PRKCI: variants seen among roughly 807,000 people sequenced by gnomAD.
PRKCI encodes the protein protein kinase C iota, also known as protein kinase C iota type.
In PRKCI, 43 loss-of-function variants were observed where a neutral mutation model predicts 84.0. The ratio of observed to expected loss-of-function variants is 0.51; its 90% CI spans 0.40 to 0.66. The LOEUF is 0.66. Among genes scored for constraint, PRKCI ranks in the 30% least tolerant of loss-of-function variants. The pLI is 0.00. For missense variants in PRKCI, 459 were observed against 745.6 expected (o/e 0.62, Z 4.48); for synonymous variants, 216 against 234.4 (o/e 0.92, Z 0.72).
At chr3:170,296,245 A>G (rs1734683794) in intron 15 of PRKCI, among the ~76,000 whole-genome samples, 1 of 152,234 alleles carries the variant, frequency 6.6e-6, no homozygotes, top group African/African-American at 2.4e-5. Context: ...ATGTGTAAAT[A>G]ATATATACCA....
intron 4 of PRKCI, among the ~76,000 whole-genome samples, chr3:170,266,709 G>A (rs1733863679): frequency 6.6e-6 from 1 of 152,182 alleles, no homozygotes. Flanking sequence ...AAGTCACTTT[G>A]GGGCCTGGCA....
At chr3:170,242,536 CTT>C (rs1167053449) in intron 2 of PRKCI, among the ~76,000 whole-genome samples, 1 of 151,090 alleles carries the variant, frequency 6.6e-6, no homozygotes, top group Non-Finnish European at 1.5e-5. Context: ...AGTTTTGTAA[CTT>C]ATATAGTTTT....
At chr3:170,265,003 T>G (rs1310977723) in intron 4 of PRKCI, among the ~76,000 whole-genome samples, 1 of 151,494 alleles carries the variant, frequency 6.6e-6, no homozygotes, top group Non-Finnish European at 1.5e-5. Flanking sequence ...CTGGCCAACA[T>G]GGTGAAAGCC....
intron 2 of PRKCI, among the ~76,000 whole-genome samples, chr3:170,236,412 T>C (rs1158242812): frequency 6.6e-6 from 1 of 152,182 alleles, no homozygotes; most frequent in Admixed American, 6.5e-5. Flanking sequence ...CCAGCTTCAC[T>C]TTAATTTTGA....
rs962514589 is a variant in PRKCI, at chr3:170,252,568, G to A, written c.224-7401G>A. Among the ~76,000 whole-genome samples the A allele has an allele frequency of 4.0e-5, 6 of 151,396 alleles. No individual in the cohort carries two copies. In the South Asian group the frequency reaches 1.3e-3, roughly 32 times the overall value. On this transcript the variant is annotated intron_variant, in intron 2 of 17. Transcript: ENST00000295797. ...TGTAATTACCCTGTTGTGCTATCAA[G>A]TACTAGATCTTTTTTTTCTTTTTTA... is the stretch of plus-strand genomic sequence containing the variant.
intron 5 of PRKCI, 111 bp from the exon 6 acceptor site, chr3:170,270,310 G>C: frequency 9.1e-7 from 1 of 1,104,154 alleles, no homozygotes. Flanking sequence ...TTTTGTTTTT[G>C]TTGTGGGCTG....
intron 17 of PRKCI, among the ~76,000 whole-genome samples, chr3:170,300,583 C>T (rs1006493269): frequency 1.5e-5 from 2 of 132,448 alleles, no homozygotes; most frequent in African/African-American, 5.5e-5. Flanking sequence ...CTTAAAGCCT[C>T]AAAAAAAAAA....
chr3:170,299,507 G>A (rs1466046626), intron 17 of PRKCI, among the ~76,000 whole-genome samples: 2 of 152,242 alleles, frequency 1.3e-5, no homozygotes, highest in African/African-American at 4.8e-5. Flanking sequence ...GATTACAGGC[G>A]TGAGCCACTG....
At chr3:170,300,418 C>G (rs1187001795) in intron 17 of PRKCI, among the ~76,000 whole-genome samples, 1 of 152,094 alleles carries the variant, frequency 6.6e-6, no homozygotes, top group Non-Finnish European at 1.5e-5. Flanking sequence ...TAGTTTTCTC[C>G]AAGATTTCAT....
At chr3:170,257,376 G>T (rs931891487) in intron 2 of PRKCI, among the ~76,000 whole-genome samples, 1 of 152,116 alleles carries the variant, frequency 6.6e-6, no homozygotes. Context: ...CCGCAGTTTT[G>T]GTGGAGTGTT....
intron 7 of PRKCI, 58 bp from the exon 8 acceptor site, chr3:170,275,170 GT>G: frequency 2.3e-6 from 3 of 1,316,558 alleles, no homozygotes; most frequent in Non-Finnish European, 2.9e-6. Flanking sequence ...AATGGTTGCT[GT>G]TTTTTTCTCC....
At chr3:170,251,494 A>AT (rs1733443587) in intron 2 of PRKCI, among the ~76,000 whole-genome samples, 1 of 152,214 alleles carries the variant, frequency 6.6e-6, no homozygotes, top group Non-Finnish European at 1.5e-5. Context: ...ATGAGGTATA[A>AT]ATAGTCAATT....
intron 11 of PRKCI, among the ~76,000 whole-genome samples, chr3:170,283,654 G>A (rs776773719): frequency 2.6e-4 from 39 of 149,968 alleles, no homozygotes; most frequent in Non-Finnish European, 4.9e-4. Flanking sequence ...ATGTGGGAAA[G>A]CTAGTCTGGT....
intron 12 of PRKCI, among the ~76,000 whole-genome samples, chr3:170,287,908 C>CAAAAAAAAAAAAAAA (rs750366555): frequency 4.0e-5 from 2 of 50,534 alleles, no homozygotes; most frequent in Non-Finnish European, 8.5e-5. Context: ...GACTCTGTCT[C>CAAAAAAAAAAAAAAA]AAAAAAAAAA....
intron 1 of PRKCI, among the ~76,000 whole-genome samples, chr3:170,228,797 T>G (rs1162802408): frequency 6.6e-6 from 1 of 152,152 alleles, no homozygotes; most frequent in Non-Finnish European, 1.5e-5. Context: ...GGTCACTTAG[T>G]GTACCCATCA....
chr3:170,275,741 G>T (rs907594723), intron 8 of PRKCI, among the ~76,000 whole-genome samples: 1 of 151,728 alleles, frequency 6.6e-6, no homozygotes, highest in African/African-American at 2.4e-5. Flanking sequence ...TCAGTTTTTT[G>T]AAAAAAGCTT....
intron 2 of PRKCI, among the ~76,000 whole-genome samples, chr3:170,259,387 A>G (rs563120194): frequency 1.3e-5 from 2 of 152,102 alleles, no homozygotes; most frequent in African/African-American, 4.8e-5. Flanking sequence ...AAAGAAAACC[A>G]AAGAACAAAA....
intron 2 of PRKCI, among the ~76,000 whole-genome samples, chr3:170,249,297 C>G (rs1268309421): frequency 6.6e-6 from 1 of 151,828 alleles, no homozygotes; most frequent in Non-Finnish European, 1.5e-5. Flanking sequence ...GCCAGCGAGT[C>G]TAGGGAAATT....
chr3:170,297,794 A>C (rs1165572873), intron 16 of PRKCI, among the ~76,000 whole-genome samples: 1 of 151,954 alleles, frequency 6.6e-6, no homozygotes, highest in African/African-American at 2.4e-5. Flanking sequence ...CTAACATATC[A>C]CAGCTTTAAA....
Sources: gnomAD v4.1 joint callset for allele counts (sites outside exome capture counted in the v4.1 genomes callset) on GRCh38, gnomAD v4.1.1 for gene constraint, MANE v1.5 for transcripts, NCBI Gene and HGNC (gene_info 2026-07-23, HGNC 2026-07-21) for gene names.